The following SPPL2A variants were observed in gnomAD, a reference collection of about 807,000 sequenced individuals.
SPPL2A encodes signal peptide peptidase like 2A, also known as signal peptide peptidase-like 2A.
Under a neutral mutation model 63.8 loss-of-function variants are expected in SPPL2A, and 51 were observed. The observed-to-expected ratio is 0.80, with a 90% CI of 0.64 to 1.01. The LOEUF (loss-of-function observed/expected upper bound fraction) is 1.01. Ranked by LOEUF, SPPL2A falls within the 50% of genes least tolerant of loss-of-function variation. The pLI, the probability that SPPL2A is intolerant of heterozygous loss-of-function variation, is 0.00. For missense variants in SPPL2A, 553 were observed against 622.7 expected, an observed-to-expected ratio of 0.89 and a Z score of 1.19; for synonymous variants, 188 against 205.8, an observed-to-expected ratio of 0.91 and a Z score of 0.74.
chr15:50,725,090 G>T, intron 12 of SPPL2A, 131 bp downstream of exon 12: 1 of 666,144 alleles, frequency 1.5e-6, no homozygotes, highest in Middle Eastern at 2.7e-4. Flanking sequence ...TTTTTGTTAT[G>T]ACAATCTCAG....
In SPPL2A at chr15:50,748,766, G is replaced by A; in HGVS notation, c.282C>T (p.Ser94=). Residue 94 remains serine (S), a synonymous_variant, in exon 3 of 15, where the codon AGC becomes AGT. Coordinates refer to ENST00000261854, the MANE Select transcript of SPPL2A (RefSeq NM_032802.4). ...TTCTGGCTTTTTCAAGAAAATGGCA[G>A]CTTCCCCATGGAACCACAACTGCTT... ...KSKAVVVPWG[S]CHFLEKARIA... is the part of the protein sequence containing the mutation. The A allele has an allele frequency of 6.2e-7, 1 of 1,611,658 alleles. No individual in the cohort carries two copies. The highest frequency in any genetic ancestry group is 8.5e-7 in the Non-Finnish European group (1 of 1,178,978).
At chr15:50,716,932 T>C (rs2062603368) in intron 14 of SPPL2A, among the ~76,000 whole-genome samples, 1 of 152,184 alleles carries the variant, frequency 6.6e-6, no homozygotes, top group Non-Finnish European at 1.5e-5. Context: ...GGTGATCCAA[T>C]AGGTACTTCT....
intron 11 of SPPL2A, chr15:50,725,953 GAA>G: frequency 2.2e-6 from 1 of 453,284 alleles, no homozygotes; most frequent in East Asian, 6.8e-5. Context: ...TTGAAACATA[GAA>G]AACAGAACAG....
rs150345627 is a variant in SPPL2A, at chr15:50,751,334, A to T, written c.67-1588T>A. ...TCTGATTCAATGTCACTGTTTTTAC[A>T]AACAAGGGCTCTGAGACTCAGACAA... On this transcript the variant is annotated intron_variant, in intron 1 of 14. Transcript: ENST00000261854. Among the ~76,000 whole-genome samples the T allele has an allele frequency of 5.1e-4, 78 of 152,338 alleles. No individual in the cohort carries two copies. In the East Asian group the frequency reaches 0.015, roughly 29 times the overall value.
In SPPL2A at chr15:50,750,617, G is replaced by A. The variant is rs3809501; in HGVS notation, c.67-871C>T. ...ATTTAAAGTACAGAAAAAGAAAAGC[G>A]TTGTCTCATTTCCCACTACCTGGAA... On this transcript the variant is annotated intron_variant, in intron 1 of 14. Transcript: ENST00000261854. Among the ~76,000 whole-genome samples the A allele has an allele frequency of 6.2e-4, 95 of 152,106 alleles. 1 individual carries two copies. The highest frequency in any genetic ancestry group is 1.1e-3 in the Non-Finnish European group (77 of 67,976).
At chr15:50,748,627 C>A in intron 3 of SPPL2A, 61 bp downstream of exon 3, 2 of 1,170,994 alleles carry the variant, frequency 1.7e-6, no homozygotes, top group African/African-American at 1.6e-5. Context: ...ACGTTAATTC[C>A]ATTTTTGTGA....
chr15:50,728,817 AT>A (rs534318500), intron 10 of SPPL2A, among the ~76,000 whole-genome samples: 157 of 135,990 alleles, frequency 1.2e-3, no homozygotes, highest in Admixed American at 1.5e-3. Context: ...TGATTATTGT[AT>A]TTTTTTTTTT....
At chr15:50,743,825 A>G (rs1017915870) in intron 5 of SPPL2A, among the ~76,000 whole-genome samples, 5 of 152,166 alleles carry the variant, frequency 3.3e-5, no homozygotes, top group Non-Finnish European at 7.3e-5. Flanking sequence ...AAGTTTCCCT[A>G]AGTAATATAC....
chr15:50,745,961 G>A (rs1017558614), intron 5 of SPPL2A, among the ~76,000 whole-genome samples: 2 of 151,958 alleles, frequency 1.3e-5, no homozygotes, highest in African/African-American at 2.4e-5. Flanking sequence ...TGAGGCAGGG[G>A]AAGCGCTTGA....
intron 14 of SPPL2A, among the ~76,000 whole-genome samples, chr15:50,716,376 G>T (rs2062598977): frequency 6.6e-6 from 1 of 151,834 alleles, no homozygotes; most frequent in African/African-American, 2.4e-5. Context: ...TGCATTTTTA[G>T]TAGAGATGAG....
Position 50,702,852 on chromosome 15 carries a change from A to C in SPPL2A, c.*4948T>G, listed in dbSNP as rs2062485417. On this transcript the variant is annotated 3_prime_UTR_variant, in exon 15 of 15. Transcript: ENST00000261854. ...CTCAATATGGAAAGATTAAACGAGGACATTTATACTTATGATCTTCACTAT... is the reference window on the plus strand; with the variant it reads ...CTCAATATGGAAAGATTAAACGAGGCCATTTATACTTATGATCTTCACTAT... 6.6e-6 allele frequency: 1 copy of C among 152,132 alleles called. No homozygotes were observed. Among genetic ancestry groups the C allele is most frequent in the African/African-American group, 2.4e-5 (1 of 41,398 alleles). The allele number at this position is 152,132 out of a possible 1,614,324, so 9.4% of individuals were successfully genotyped here.
At chr15:50,745,055 G>A (rs7183014) in intron 5 of SPPL2A, among the ~76,000 whole-genome samples, 1 of 152,044 alleles carries the variant, frequency 6.6e-6, no homozygotes, top group African/African-American at 2.4e-5. Context: ...TCTGGTGTAT[G>A]AATTTATGGC....
At chr15:50,755,653 A>T (rs2141059099) in intron 1 of SPPL2A, among the ~76,000 whole-genome samples, 2 of 141,012 alleles carry the variant, frequency 1.4e-5, no homozygotes. Flanking sequence ...AAAAAAAAAA[A>T]AAAGAAGAAA....
At position 50,732,662 on chromosome 15, in the gene SPPL2A, T is replaced by C. The variant is rs1388260862; in HGVS notation, c.955A>G (p.Ile319Val). Reference sequence around the variant, plus strand: ...TTCAGACAGAAAGCAATCCCCAAGATATCCTGTAAAATCCAAGCCCACCTA... The same window carrying C: ...TTCAGACAGAAAGCAATCCCCAAGACATCCTGTAAAATCCAAGCCCACCTA... ...EDRWAWILQD[I>V]LGIAFCLNLI... Residue 319 changes from isoleucine (I) to valine (V), a missense_variant, in exon 9 of 15, where the codon ATC becomes GTC. By Grantham distance (29) the Ile-to-Val change is conservative (BLOSUM62 3). Transcript: ENST00000261854. The C allele has an allele frequency of 1.2e-6, 2 of 1,611,048 alleles. No homozygotes were observed. The highest frequency in any genetic ancestry group is 3.3e-5 in the Admixed American group (2 of 59,898).
At chr15:50,736,027 T>C (rs1010759454) in intron 8 of SPPL2A, 74 bp downstream of exon 8, 2 of 945,614 alleles carry the variant, frequency 2.1e-6, no homozygotes, top group African/African-American at 3.3e-5. Context: ...TCCATAATAA[T>C]CATAATAAGT....
At chr15:50,756,293 G>A (rs941432341) in intron 1 of SPPL2A, among the ~76,000 whole-genome samples, 1 of 149,392 alleles carries the variant, frequency 6.7e-6, no homozygotes, top group East Asian at 2.0e-4. Context: ...TCTGGGAGGC[G>A]GAGCTTGCAG....
intron 6 of SPPL2A, among the ~76,000 whole-genome samples, chr15:50,737,469 T>A (rs1045462904): frequency 2.0e-5 from 3 of 152,134 alleles, no homozygotes; most frequent in Non-Finnish European, 2.9e-5. Context: ...AGTTTTTTTT[T>A]TGAGATGGAG....
rs181583699 is a variant in SPPL2A at position 50,749,566 on chromosome 15, A to G, written c.177+70T>C. ...CTCCCAAAGTGCTGGGATTACAGGC[A>G]TGAGCCACCGTGCCCAGCCTCCTTC... On this transcript the variant is annotated intron_variant, in intron 2 of 14. Transcript: ENST00000261854. 1,909 of 1,010,440 alleles carry G rather than the reference A, an allele frequency of 1.9e-3. 13 individuals are homozygous for G. Among genetic ancestry groups the G allele is most frequent in the South Asian group, 6.6e-3 (513 of 77,428 alleles). The allele number at this position is 1,010,440 out of a possible 1,614,324, so 62.6% of individuals were successfully genotyped here.
At chr15:50,731,317 C>T (rs553421710) in intron 9 of SPPL2A, among the ~76,000 whole-genome samples, 68 of 150,802 alleles carry the variant, frequency 4.5e-4, no homozygotes, top group African/African-American at 1.6e-3. Context: ...GAGACTGAGG[C>T]GGGGCGGATC....
Sources: gnomAD v4.1 joint callset for allele counts (sites outside exome capture counted in the v4.1 genomes callset) on GRCh38, gnomAD v4.1.1 for gene constraint, MANE v1.5 for transcripts, NCBI Gene and HGNC (gene_info 2026-07-23, HGNC 2026-07-21) for gene names.